The following FGF12 variants were observed in gnomAD, a reference collection of about 807,000 sequenced individuals.
FGF12 encodes fibroblast growth factor 12B.
Under a neutral mutation model 23.6 loss-of-function variants are expected in FGF12, and 14 were observed. That is an observed-to-expected ratio of 0.59 (90% confidence interval 0.39 to 0.93). The LOEUF is 0.93. Ranked by LOEUF, FGF12 falls within the 40% of genes least tolerant of loss-of-function variation. The pLI, the probability that FGF12 is intolerant of heterozygous loss-of-function variation, is 0.00. For synonymous variants in FGF12, 62 were observed against 77.3 expected, an observed-to-expected ratio of 0.80 and a Z score of 1.04; for missense variants, 175 against 217.8, an observed-to-expected ratio of 0.80 and a Z score of 1.24.
intron 2 of FGF12, among the ~76,000 whole-genome samples, chr3:192,419,082 G>C (rs995141958): frequency 6.6e-6 from 1 of 152,172 alleles, no homozygotes; most frequent in African/African-American, 2.4e-5. Flanking sequence ...TTGATTAATT[G>C]TCTGAAATAT....
chr3:192,615,276 G>GT (rs983720315), intron 2 of FGF12, among the ~76,000 whole-genome samples: 1 of 151,572 alleles, frequency 6.6e-6, no homozygotes, highest in Non-Finnish European at 1.5e-5. Context: ...AAATGTGTGT[G>GT]TTTTTTTATT....
intron 2 of FGF12, among the ~76,000 whole-genome samples, chr3:192,592,489 G>A (rs967724132): frequency 2.6e-5 from 4 of 151,546 alleles, no homozygotes; most frequent in Non-Finnish European, 4.4e-5. Flanking sequence ...CCCTCCTATC[G>A]TTGTTTCTTT....
intron 4 of FGF12, among the ~76,000 whole-genome samples, chr3:192,175,298 G>A (rs187550182): frequency 2.8e-4 from 42 of 152,196 alleles, no homozygotes; most frequent in Admixed American, 1.6e-3. Context: ...TGTTTCTTTC[G>A]TAAGACTAAC....
At chr3:192,367,413 G>C (rs781543609) in intron 2 of FGF12, among the ~76,000 whole-genome samples, 19 of 152,162 alleles carry the variant, frequency 1.2e-4, no homozygotes, top group Non-Finnish European at 2.8e-4. Context: ...GGCTTCGGGG[G>C]CATTACATTG....
intron 2 of FGF12, among the ~76,000 whole-genome samples, chr3:192,499,839 T>G (rs1197181141): frequency 1.3e-5 from 2 of 152,018 alleles, no homozygotes; most frequent in East Asian, 1.9e-4. Flanking sequence ...TGAGCCACCG[T>G]GCCCGGCCTG....
At chr3:192,281,762 C>T (rs1450638627) in intron 4 of FGF12, among the ~76,000 whole-genome samples, 3 of 152,078 alleles carry the variant, frequency 2.0e-5, no homozygotes, top group Admixed American at 2.0e-4. Context: ...TTACCTAAAA[C>T]ATAACAAATA....
chr3:192,417,909 G>C (rs183158608), intron 2 of FGF12, among the ~76,000 whole-genome samples: 1 of 152,032 alleles, frequency 6.6e-6, no homozygotes, highest in African/African-American at 2.4e-5. Context: ...TCAAAAAAGA[G>C]GATGTGCCTT....
chr3:192,314,794 G>C (rs1357582280), intron 4 of FGF12, among the ~76,000 whole-genome samples: 1 of 152,084 alleles, frequency 6.6e-6, no homozygotes, highest in Non-Finnish European at 1.5e-5. Context: ...TTCTTAGTGA[G>C]GTTTTGTGCA....
At chr3:192,661,674 G>A (rs917919171) in intron 2 of FGF12, among the ~76,000 whole-genome samples, 8 of 152,124 alleles carry the variant, frequency 5.3e-5, no homozygotes, top group Non-Finnish European at 1.2e-4. Flanking sequence ...CTTAAGTAGT[G>A]GAATAGAAAT....
intron 2 of FGF12, among the ~76,000 whole-genome samples, chr3:192,391,140 C>A (rs568665545): frequency 2.0e-5 from 3 of 152,158 alleles, no homozygotes; most frequent in African/African-American, 7.2e-5. Context: ...CAAAAAGATG[C>A]ACCGCTTGGG....
intron 2 of FGF12, chr3:192,726,737 G>A (rs1719228117): frequency 5.1e-6 from 1 of 194,402 alleles, no homozygotes; most frequent in African/African-American, 2.3e-5. Flanking sequence ...CCATCTTCAT[G>A]AGGTGGGGGT....
chr3:192,150,259 G>C (rs201155945), intron 5 of FGF12, among the ~76,000 whole-genome samples: 14,174 of 84,392 alleles, frequency 0.17, 3,677 homozygotes, highest in East Asian at 0.57. Flanking sequence ...CTCCCATTTT[G>C]TAGGTTGCCT....
chr3:192,648,876 G>T (rs1716108386), intron 2 of FGF12, among the ~76,000 whole-genome samples: 1 of 152,182 alleles, frequency 6.6e-6, no homozygotes, highest in African/African-American at 2.4e-5. Context: ...GCCAGTTAGG[G>T]AGTTCACCAA....
chr3:192,360,519 A>G lies in FGF12; in HGVS notation c.33T>C (p.Ile11=). Reference sequence around the variant, plus strand: ...CCTGCTGGCTGAATAACCTTGTCACAATCCCTTTGAGCTGGGGTTCTGCAA... The same window carrying G: ...CCTGCTGGCTGAATAACCTTGTCACGATCCCTTTGAGCTGGGGTTCTGCAA... MESKEPQLKG[I]VTRLFSQQGY... Residue 11 remains isoleucine (I), a synonymous_variant, in exon 3 of 6, where the codon ATT becomes ATC. Coordinates refer to ENST00000445105, the MANE Select transcript of FGF12 (RefSeq NM_004113.6). The surrounding 1 kb of genome is among the most constrained non-coding windows in gnomAD (Gnocchi z 4.3). 2 of 1,613,756 alleles carry G rather than the reference A, an allele frequency of 1.2e-6. No individual in the cohort carries two copies. The highest frequency in any genetic ancestry group is 1.7e-6 in the Non-Finnish European group (2 of 1,179,686).
At chr3:192,180,388 G>A (rs1716104397) in intron 4 of FGF12, among the ~76,000 whole-genome samples, 1 of 152,204 alleles carries the variant, frequency 6.6e-6, no homozygotes, top group African/African-American at 2.4e-5. Flanking sequence ...AGATATTGGA[G>A]GGGCAGCACA....
At chr3:192,451,476 G>A (rs948527881) in intron 2 of FGF12, among the ~76,000 whole-genome samples, 2 of 152,128 alleles carry the variant, frequency 1.3e-5, no homozygotes, top group Non-Finnish European at 2.9e-5. Context: ...ACTGTACCAG[G>A]AACTTATTTG....
intron 2 of FGF12, among the ~76,000 whole-genome samples, chr3:192,436,218 T>C (rs1488168764): frequency 1.3e-5 from 2 of 152,198 alleles, no homozygotes; most frequent in Admixed American, 6.5e-5. Flanking sequence ...AGAAGCCTCC[T>C]GGGCCAAAAA....
intron 2 of FGF12, among the ~76,000 whole-genome samples, chr3:192,435,224 T>C (rs547731560): frequency 1.3e-5 from 2 of 152,356 alleles, no homozygotes; most frequent in African/African-American, 2.4e-5. Context: ...GGGAATATTC[T>C]GGGTTTATCT....
intron 2 of FGF12, among the ~76,000 whole-genome samples, chr3:192,500,338 G>C (rs1393678245): frequency 3.3e-5 from 5 of 152,148 alleles, no homozygotes; most frequent in Non-Finnish European, 7.3e-5. Flanking sequence ...GAGATGACAA[G>C]AGTGCACCTA....
Sources: allele counts gnomAD v4.1 joint callset (sites outside exome capture counted in the v4.1 genomes callset), GRCh38; gene constraint gnomAD v4.1.1; non-coding constraint Gnocchi (gnomAD v3.1); transcripts MANE v1.5; gene names NCBI Gene and HGNC (gene_info 2026-07-23, HGNC 2026-07-21).